GRK3: variants seen among roughly 807,000 people sequenced by gnomAD.
GRK3 encodes G protein-coupled receptor kinase 3, also known as adrenergic, beta, receptor kinase 2.
In GRK3, 54 loss-of-function variants were observed where a neutral mutation model predicts 95.7. That is an observed-to-expected ratio of 0.56 (90% confidence interval 0.45 to 0.71). The LOEUF (loss-of-function observed/expected upper bound fraction) is 0.71, where lower values mean the gene tolerates loss of function less well. Ranked by LOEUF, GRK3 falls within the 30% of genes least tolerant of loss-of-function variation. GRK3 has a pLI of 0.00. For missense variants in GRK3, 649 were observed against 851.2 expected (o/e 0.76, Z 2.96); for synonymous variants, 281 against 290.8 (o/e 0.97, Z 0.34).
At chr22:25,678,614 C>T (rs1185655637) in intron 8 of GRK3, among the ~76,000 whole-genome samples, 1 of 152,224 alleles carries the variant, frequency 6.6e-6, no homozygotes, top group Non-Finnish European at 1.5e-5. Flanking sequence ...TTTAATGATA[C>T]AAATATCTTT....
At chr22:25,668,032 G>A (rs7288368) in intron 6 of GRK3, among the ~76,000 whole-genome samples, 1,974 of 152,208 alleles carry the variant, frequency 0.013, 45 homozygotes, top group African/African-American at 0.045. Flanking sequence ...CTTCAATAGA[G>A]TCTAAAATAT....
At chr22:25,585,023 G>C (rs1601452559) in intron 1 of GRK3, among the ~76,000 whole-genome samples, 1 of 152,400 alleles carries the variant, frequency 6.6e-6, no homozygotes, top group South Asian at 2.1e-4. Flanking sequence ...CTAAAGTCTA[G>C]GTAAAGTGGA....
intron 10 of GRK3, 92 bp from the exon 11 acceptor site, chr22:25,687,445 T>C (rs2085124773): frequency 2.9e-6 from 4 of 1,393,162 alleles, no homozygotes; most frequent in Non-Finnish European, 3.9e-6. Flanking sequence ...TAGTTTCCCT[T>C]TTTCTGCTGA....
intron 3 of GRK3, chr22:25,648,279 A>G: frequency 1.1e-6 from 1 of 874,184 alleles, no homozygotes; most frequent in Non-Finnish European, 2.0e-6. Context: ...CTATATCACA[A>G]CCAGAGAACA....
chr22:25,677,397 AAAAAG>A (rs1224077667), intron 8 of GRK3, among the ~76,000 whole-genome samples: 2 of 149,470 alleles, frequency 1.3e-5, no homozygotes, highest in Non-Finnish European at 3.0e-5. Context: ...AAAAAAAAAA[AAAAAG>A]AAAAGGAAAA....
intron 3 of GRK3, among the ~76,000 whole-genome samples, chr22:25,646,950 G>A (rs181174492): frequency 6.5e-4 from 98 of 150,486 alleles, no homozygotes; most frequent in Non-Finnish European, 9.9e-4. Context: ...GAACCCGGGA[G>A]GCAGAAGTTG....
At chr22:25,624,717 C>T (rs1214787363) in intron 2 of GRK3, among the ~76,000 whole-genome samples, 1 of 152,134 alleles carries the variant, frequency 6.6e-6, no homozygotes, top group East Asian at 1.9e-4. Flanking sequence ...CCCAACTGAT[C>T]CTTGAGATCA....
chr22:25,658,412 G>C (rs2084887787), intron 3 of GRK3, among the ~76,000 whole-genome samples: 1 of 152,174 alleles, frequency 6.6e-6, no homozygotes, highest in South Asian at 2.1e-4. Flanking sequence ...GATGAATCTT[G>C]TTCAGTTCTT....
At chr22:25,672,921 A>C (rs976822686) in intron 7 of GRK3, among the ~76,000 whole-genome samples, 1 of 151,816 alleles carries the variant, frequency 6.6e-6, no homozygotes, top group African/African-American at 2.4e-5. Flanking sequence ...TTGAAAATGC[A>C]CACATTTCTT....
intron 2 of GRK3, among the ~76,000 whole-genome samples, chr22:25,617,596 G>C (rs2084549427): frequency 6.6e-6 from 1 of 152,116 alleles, no homozygotes. Context: ...TGCCCTTTGG[G>C]TTCAACCCAC....
chr22:25,583,357 C>CTTTTTTT (rs113355685), intron 1 of GRK3, among the ~76,000 whole-genome samples: 2 of 135,566 alleles, frequency 1.5e-5, no homozygotes, highest in African/African-American at 5.5e-5. Context: ...TTTCTGTGTA[C>CTTTTTTT]TTTTTTTTTT....
intron 12 of GRK3, among the ~76,000 whole-genome samples, chr22:25,693,943 C>A (rs192586795): frequency 1.6e-4 from 25 of 152,206 alleles, no homozygotes; most frequent in African/African-American, 5.8e-4. Flanking sequence ...AGGCATGCGC[C>A]ACCACGCCTG....
chr22:25,588,098 C>T (rs1237392678), intron 1 of GRK3, among the ~76,000 whole-genome samples: 39 of 152,144 alleles, frequency 2.6e-4, no homozygotes, highest in African/African-American at 8.4e-4. Flanking sequence ...CACGCCCTGC[C>T]TGTTGTAACT....
chr22:25,641,757 G>C (rs2084744850), intron 2 of GRK3, among the ~76,000 whole-genome samples: 1 of 152,144 alleles, frequency 6.6e-6, no homozygotes, highest in Admixed American at 6.5e-5. Flanking sequence ...AGAAGGGAAT[G>C]AGCTTGGTGT....
intron 11 of GRK3, among the ~76,000 whole-genome samples, chr22:25,688,853 A>G (rs1217189012): frequency 6.6e-6 from 1 of 152,240 alleles, no homozygotes; most frequent in Non-Finnish European, 1.5e-5. Flanking sequence ...AGAAATGCGT[A>G]AATTGTAATA....
chr22:25,690,120 A>C, intron 11 of GRK3, 69 bp from the exon 12 acceptor site: 1 of 1,127,428 alleles, frequency 8.9e-7, no homozygotes, highest in Non-Finnish European at 1.3e-6. Flanking sequence ...AGGTGTCTGC[A>C]CTCAAAGTTC....
At chr22:25,576,308 T>TA (rs1354166258) in intron 1 of GRK3, among the ~76,000 whole-genome samples, 1 of 152,214 alleles carries the variant, frequency 6.6e-6, no homozygotes, top group East Asian at 1.9e-4. Flanking sequence ...AGGAGTGGCT[T>TA]ACGCTGGATG....
intron 5 of GRK3, among the ~76,000 whole-genome samples, chr22:25,664,516 A>ATCTTTT (rs1409027247): frequency 8.2e-6 from 1 of 121,552 alleles, no homozygotes; most frequent in Admixed American, 8.1e-5. Context: ...TGACTTTGGC[A>ATCTTTT]TTTTTTTTTT....
intron 2 of GRK3, among the ~76,000 whole-genome samples, chr22:25,610,268 G>A (rs1381205697): frequency 6.6e-6 from 1 of 152,144 alleles, no homozygotes; most frequent in Non-Finnish European, 1.5e-5. Context: ...TTTGAGACCA[G>A]CCTGGGCAAC....
Sources: gnomAD v4.1 joint callset for allele counts (sites outside exome capture counted in the v4.1 genomes callset) on GRCh38, gnomAD v4.1.1 for gene constraint, MANE v1.5 for transcripts, NCBI Gene and HGNC (gene_info 2026-07-23, HGNC 2026-07-21) for gene names.